DLG2: variants seen among roughly 807,000 people sequenced by gnomAD.
DLG2 encodes the protein disks large homolog 2.
DLG2 carries 45 observed loss-of-function variants against 132.5 expected under a neutral mutation model. The observed-to-expected ratio is 0.34, with a 90% CI of 0.27 to 0.44. The LOEUF is 0.44. Among genes scored for constraint, DLG2 ranks in the 20% least tolerant of loss-of-function variants. The probability of loss-of-function intolerance (pLI) is 1.00; values close to 1 mark genes in which losing one functional copy is unlikely to be tolerated. For missense variants in DLG2, 1,045 were observed against 1,196.9 expected (o/e 0.87, Z 1.87); for synonymous variants, 424 against 419.6 (o/e 1.01, Z -0.13).
intron 6 of DLG2, among the ~76,000 whole-genome samples, chr11:85,007,429 G>A (rs1465271984): frequency 6.6e-6 from 1 of 151,968 alleles, no homozygotes; most frequent in African/African-American, 2.4e-5. Context: ...GGGAAGCTAA[G>A]GCGGGTGGAT....
chr11:84,997,329 T>G (rs1441528208), intron 6 of DLG2: 2 of 152,180 alleles, frequency 1.3e-5, no homozygotes, highest in African/African-American at 2.4e-5. Flanking sequence ...TGCTGAATCC[T>G]CCAGGCACAC....
At chr11:84,377,465 A>G (rs1194812154) in intron 7 of DLG2, among the ~76,000 whole-genome samples, 2 of 152,158 alleles carry the variant, frequency 1.3e-5, no homozygotes, top group East Asian at 3.9e-4. Flanking sequence ...AATGTATTAG[A>G]TAATAGTAAA....
intron 9 of DLG2, among the ~76,000 whole-genome samples, chr11:84,163,213 AT>A (rs558608518): frequency 1.3e-3 from 194 of 152,216 alleles, no homozygotes; most frequent in Admixed American, 2.1e-3. Context: ...CTCATCAAAC[AT>A]TTCTCTTTTC....
intron 4 of DLG2, among the ~76,000 whole-genome samples, chr11:85,257,538 CA>C: frequency 6.6e-6 from 1 of 151,996 alleles, no homozygotes. Flanking sequence ...CCATTGACAA[CA>C]AAGTGATTAG....
intron 11 of DLG2, among the ~76,000 whole-genome samples, chr11:83,988,525 G>C (rs1021840552): frequency 2.0e-5 from 3 of 152,138 alleles, no homozygotes; most frequent in Admixed American, 1.3e-4. Flanking sequence ...TCATGATACT[G>C]ATTCTTCCTA....
chr11:83,515,211 T>C (rs1437830969), intron 21 of DLG2, among the ~76,000 whole-genome samples: 2 of 152,264 alleles, frequency 1.3e-5, no homozygotes, highest in Admixed American at 1.3e-4. Flanking sequence ...CAGATTCTGT[T>C]ATTCGTCTAT....
intron 9 of DLG2, among the ~76,000 whole-genome samples, chr11:84,107,232 A>C (rs1041669747): frequency 1.3e-5 from 2 of 151,970 alleles, no homozygotes; most frequent in Admixed American, 1.3e-4. Context: ...CCCAGAGTTC[A>C]GACTCTTTGA....
At chr11:85,444,864 C>A (rs556663681) in intron 3 of DLG2, among the ~76,000 whole-genome samples, 1 of 152,296 alleles carries the variant, frequency 6.6e-6, no homozygotes, top group Admixed American at 6.5e-5. Context: ...TTGCACCAAC[C>A]TAATAGTGTA....
intron 3 of DLG2, among the ~76,000 whole-genome samples, chr11:85,533,564 T>G (rs1598333286): frequency 6.6e-6 from 1 of 152,008 alleles, no homozygotes; most frequent in East Asian, 1.9e-4. Context: ...ACATATAGGT[T>G]GGTTCCATGT....
intron 3 of DLG2, among the ~76,000 whole-genome samples, chr11:85,370,877 T>A (rs557459942): frequency 1.3e-5 from 2 of 152,298 alleles, no homozygotes; most frequent in East Asian, 3.9e-4. Context: ...TGGTTATATA[T>A]ATAATGCTAA....
intron 7 of DLG2, among the ~76,000 whole-genome samples, chr11:84,281,752 C>T (rs2097857144): frequency 6.6e-6 from 1 of 151,934 alleles, no homozygotes; most frequent in South Asian, 2.1e-4. Context: ...ATCAAATAAG[C>T]ATCTGAAAAG....
At chr11:85,494,547 T>C (rs1039669716) in intron 3 of DLG2, among the ~76,000 whole-genome samples, 1 of 151,840 alleles carries the variant, frequency 6.6e-6, no homozygotes, top group East Asian at 1.9e-4. Context: ...TTTTTTTTAA[T>C]CTTAAAAGTA....
chr11:83,886,659 C>G (rs1364566467), intron 15 of DLG2, among the ~76,000 whole-genome samples: 1 of 151,478 alleles, frequency 6.6e-6, no homozygotes, highest in Admixed American at 6.6e-5. Flanking sequence ...TTTTCAGCAC[C>G]ACACCACACC....
At chr11:84,613,192 G>A (rs559150531) in intron 6 of DLG2, among the ~76,000 whole-genome samples, 1 of 152,150 alleles carries the variant, frequency 6.6e-6, no homozygotes, top group South Asian at 2.1e-4. Context: ...AGACTTCACA[G>A]AATGTTCAGG....
At chr11:83,790,223 G>A in intron 17 of DLG2, 2 of 902,832 alleles carry the variant, frequency 2.2e-6, no homozygotes, top group Non-Finnish European at 3.6e-6. Flanking sequence ...AACTATGGAT[G>A]TATGCCCTTC....
Position 85,371,687 on chromosome 11 carries a change from A to T in DLG2, c.41-86322T>A, listed in dbSNP as rs1211804339. Among the ~76,000 whole-genome samples, 4 of 152,204 alleles carry T rather than the reference A, an allele frequency of 2.6e-5. No homozygotes were observed. In the East Asian group the frequency reaches 5.8e-4, roughly 22 times the overall value. On this transcript the variant is annotated intron_variant, in intron 3 of 27. Transcript: ENST00000376104. ...GTTCTTGACCTGTGGTCAGTAAAGAATGTCACTTTATAACAGGGATAGGAG... is the reference window on the plus strand; with the variant it reads ...GTTCTTGACCTGTGGTCAGTAAAGATTGTCACTTTATAACAGGGATAGGAG...
intron 7 of DLG2, among the ~76,000 whole-genome samples, chr11:84,389,454 A>G (rs987696844): frequency 6.6e-6 from 1 of 152,128 alleles, no homozygotes; most frequent in Non-Finnish European, 1.5e-5. Flanking sequence ...ATTACATGGT[A>G]TATATTGTTT....
chr11:84,623,569 A>G (rs1234184226), intron 6 of DLG2, among the ~76,000 whole-genome samples: 1 of 152,202 alleles, frequency 6.6e-6, no homozygotes, highest in African/African-American at 2.4e-5. Flanking sequence ...CTTAGTGTTA[A>G]TTATGGATCT....
At chr11:85,003,620 C>G (rs1035477960) in intron 6 of DLG2, among the ~76,000 whole-genome samples, 1 of 151,992 alleles carries the variant, frequency 6.6e-6, no homozygotes, top group Non-Finnish European at 1.5e-5. Context: ...TATATTACTT[C>G]AGCTTGAGAA....
Sources: allele counts gnomAD v4.1 joint callset (sites outside exome capture counted in the v4.1 genomes callset), GRCh38; gene constraint gnomAD v4.1.1; transcripts MANE v1.5; gene names NCBI Gene and HGNC (gene_info 2026-07-23, HGNC 2026-07-21).